Variants in EIF4G1 observed in about 807,000 individuals in gnomAD.
EIF4G1 encodes EIF4-gamma.
In EIF4G1, 4 loss-of-function variants were observed where a neutral mutation model predicts 187.8. That is an observed-to-expected ratio of 0.02 (90% CI 0.01 to 0.05). The LOEUF is 0.05. EIF4G1 is among the 10% of genes least tolerant of loss of function. The pLI is 1.00. For synonymous variants in EIF4G1, 844 were observed against 781.4 expected (o/e 1.08, Z -1.34); for missense variants, 1,647 against 2,081.1 (o/e 0.79, Z 4.06).
At chr3:184,328,829 A>G in intron 27 of EIF4G1, 73 bp downstream of exon 27, 1 of 1,614,046 alleles carries the variant, frequency 6.2e-7, no homozygotes, top group Non-Finnish European at 8.5e-7. Flanking sequence ...GCTGGGTTGG[A>G]TACCCTGGTT....
chr3:184,315,822 G>GCCCCCCCCCCCCC lies in EIF4G1; in HGVS notation c.32_33insCCCCCCCCCCCCC (p.Ala13ProfsTer46). ...ATGAACAAAGCTCCACAGTCCACAG[G>GCCCCCCCCCCCCC]CCCCCCACCCGCCCCATCCCCCGGA... On this transcript the variant is annotated frameshift_variant, in exon 3 of 33. Coordinates refer to ENST00000346169, the MANE Select transcript of EIF4G1 (RefSeq NM_198241.3). LOFTEE classifies it high-confidence loss of function. 1.9e-6 allele frequency: 3 copies of GCCCCCCCCCCCCC among 1,544,496 alleles called. No homozygotes were observed. Among genetic ancestry groups the GCCCCCCCCCCCCC allele is most frequent in the Non-Finnish European group, 2.6e-6 (3 of 1,140,802 alleles).
chr3:184,316,309 C>G (rs1322597994), intron 4 of EIF4G1, 91 bp downstream of exon 4: 1 of 1,494,186 alleles, frequency 6.7e-7, no homozygotes, highest in East Asian at 2.4e-5. Flanking sequence ...ACTGGAGGCC[C>G]CATACCTGGC....
At chr3:184,316,604 C>T in intron 4 of EIF4G1, 2 of 1,083,348 alleles carry the variant, frequency 1.8e-6, no homozygotes, top group East Asian at 2.4e-5. Flanking sequence ...TCCCCAGCTT[C>T]TTCCTTACTA....
intron 31 of EIF4G1, 28 bp from the exon 32 acceptor site, chr3:184,331,918 T>G: frequency 3.7e-6 from 6 of 1,613,890 alleles, no homozygotes; most frequent in Non-Finnish European, 5.1e-6. Context: ...AAGGGTATAT[T>G]GCTCCACTCA....
chr3:184,321,014 G>C, intron 9 of EIF4G1, 21 bp downstream of exon 9: 1 of 1,612,292 alleles, frequency 6.2e-7, no homozygotes, highest in South Asian at 1.1e-5. Context: ...CGGTGGGACG[G>C]AGCTTTTATG....
chr3:184,335,087 A>G lies in EIF4G1; in HGVS notation c.*179A>G, dbSNP rs1726871919. On this transcript the variant is annotated 3_prime_UTR_variant, in exon 33 of 33. Coordinates refer to ENST00000346169, the MANE Select transcript of EIF4G1 (RefSeq NM_198241.3). The stretch of plus-strand genomic sequence containing the variant: ...CTTGGGGCTGCCTGGGCCCCCCTCC[A>G]GGATGCCGCCAGGTGTCCCTCTCCT... 4.0e-6 allele frequency: 3 copies of G among 757,440 alleles called. No individual in the cohort carries two copies. The highest frequency in any genetic ancestry group is 3.8e-4 in the Middle Eastern group (1 of 2,634). The allele number at this position is 757,440 out of a possible 1,614,324, so 46.9% of individuals were successfully genotyped here. A position where few individuals can be genotyped will look rare whatever the true frequency, so the allele number is the denominator to read the frequency against.
At position 184,335,130 on chromosome 3, in the gene EIF4G1, A is replaced by C; in HGVS notation, c.*222A>C. ...CCTCTCCTCCCCCTGGGGCACAGAG[A>C]TATATTATATATAAAGTCTTGAAAT... On this transcript the variant is annotated 3_prime_UTR_variant, in exon 33 of 33. Coordinates refer to ENST00000346169, the MANE Select transcript of EIF4G1 (RefSeq NM_198241.3). The C allele has an allele frequency of 1.7e-6, 1 of 578,704 alleles. No homozygotes were observed. The highest frequency in any genetic ancestry group is 3.0e-5 in the Admixed American group (1 of 32,972). 35.8% of individuals were successfully genotyped at this position (578,704 alleles called of 1,614,324 possible).
rs13319149 is a variant in EIF4G1 at position 184,319,745 on chromosome 3, A to T, written c.481A>T (p.Thr161Ser). ...VQQFPTGVAP[T>S]PVLMNQPPQI... ...GCAGTTTCCCACTGGCGTGGCCCCC[A>T]CCCCAGTTTTGATGAACCAGCCACC... The change falls in exon 7 of 33, where the codon ACC becomes TCC. Residue 161 changes from threonine (T) to serine (S), a missense_variant. Physicochemically the swap from Thr to Ser is moderately conservative, Grantham distance 58 (BLOSUM62 1). This residue lies in a region of EIF4G1 where 139 missense variants were observed against 187.3 expected (regional missense o/e 0.74). Transcript: ENST00000346169. 3.7e-6 allele frequency: 6 copies of T among 1,608,264 alleles called. No individual in the cohort carries two copies. Among genetic ancestry groups the T allele is most frequent in the Admixed American group, 1.7e-5 (1 of 59,078 alleles).
intron 7 of EIF4G1, chr3:184,320,343 G>A: frequency 7.5e-7 from 1 of 1,341,700 alleles, no homozygotes; most frequent in Non-Finnish European, 9.6e-7. Flanking sequence ...CCCAGGGTGT[G>A]CAGCCACTGA....
intron 30 of EIF4G1, 41 bp downstream of exon 30, chr3:184,331,647 T>TAGGGTG: frequency 6.7e-7 from 1 of 1,486,102 alleles, no homozygotes; most frequent in Non-Finnish European, 9.0e-7. Flanking sequence ...AGGTAGTTCT[T>TAGGGTG]AGGGTGGGGG....
At chr3:184,320,751 G>A (rs1336621833) in intron 8 of EIF4G1, 29 bp downstream of exon 8, 1 of 1,613,998 alleles carries the variant, frequency 6.2e-7, no homozygotes, top group Non-Finnish European at 8.5e-7. Context: ...GTGATACCCT[G>A]GCTGGGATGT....
chr3:184,317,174 A>G, intron 4 of EIF4G1, 147 bp from the exon 5 acceptor site: 2 of 926,164 alleles, frequency 2.2e-6, no homozygotes, highest in Non-Finnish European at 3.5e-6. Flanking sequence ...CCGCTTAGCC[A>G]TTTGGTCAAG....
chr3:184,323,402 T>A lies in EIF4G1; in HGVS notation c.2089-6T>A. The stretch of plus-strand genomic sequence containing the variant: ...TCCCCTCTTGTCTTCATCCCTTGCT[T>A]AGCAGGCTGGCCTGGGACCCCGGCG... On this transcript the variant is annotated splice_polypyrimidine_tract_variant and splice_region_variant and intron_variant, in intron 14 of 32. Coordinates refer to ENST00000346169, the MANE Select transcript of EIF4G1 (RefSeq NM_198241.3). This position sits in a 1 kb window ranked among gnomAD's most constrained non-coding sequence, Gnocchi z 6.9. 3 of 1,614,156 alleles carry A rather than the reference T, an allele frequency of 1.9e-6. No individual in the cohort carries two copies. Among genetic ancestry groups the A allele is most frequent in the Non-Finnish European group, 2.5e-6 (3 of 1,180,030 alleles).
At position 184,319,952 on chromosome 3, in the gene EIF4G1, T is replaced by C; in HGVS notation, c.537+151T>C. On this transcript the variant is annotated intron_variant, in intron 7 of 32. Transcript: ENST00000346169. ...GTGTCTGTGGAGGGCTCAGGTTCTT[T>C]GTAAGATGCTAAGATTTCAGCATAG... 9 of 690,172 alleles carry C rather than the reference T, an allele frequency of 1.3e-5. No homozygotes were observed. In the South Asian group the frequency reaches 1.4e-4, roughly 10 times the overall value. The allele number at this position is 690,172 out of a possible 1,614,324, so 42.8% of individuals were successfully genotyped here.
chr3:184,328,380 A>G lies in EIF4G1; in HGVS notation c.3954-251A>G, dbSNP rs1251015749. 5.2e-6 allele frequency: 3 copies of G among 573,956 alleles called. No individual in the cohort carries two copies. In the Admixed American group the frequency reaches 8.9e-5, roughly 17 times the overall value. The allele number at this position is 573,956 out of a possible 1,614,324, so 35.6% of individuals were successfully genotyped here. On this transcript the variant is annotated intron_variant, in intron 26 of 32. Transcript: ENST00000346169. ...CACTCCAGCCTGGGTGACAAAAGCA[A>G]AACTGTCTCAAAAAAAAAACCAAAA...
chr3:184,321,149 G>T, intron 9 of EIF4G1, 133 bp from the exon 10 acceptor site: 1 of 1,488,266 alleles, frequency 6.7e-7, no homozygotes, highest in Non-Finnish European at 9.3e-7. Context: ...GGATGAAAGT[G>T]GAAGTATAGC....
In EIF4G1 at chr3:184,319,820, C is replaced by T. The variant is rs546635334; in HGVS notation, c.537+19C>T. On this transcript the variant is annotated intron_variant, in intron 7 of 32. Coordinates refer to ENST00000346169, the MANE Select transcript of EIF4G1 (RefSeq NM_198241.3). ...TAAGACGGTGAGTAGCAGTGAGGGGCTCCGGGACATCTGGGAAGGGGAGAA... is the reference window on the plus strand; with the variant it reads ...TAAGACGGTGAGTAGCAGTGAGGGGTTCCGGGACATCTGGGAAGGGGAGAA... 184 of 1,511,868 alleles carry T rather than the reference C, an allele frequency of 1.2e-4. 3 individuals are homozygous for T. In the South Asian group the frequency reaches 2.1e-3, roughly 17 times the overall value. The allele number at this position is 1,511,868 out of a possible 1,614,324, so 93.7% of individuals were successfully genotyped here.
In EIF4G1 at chr3:184,327,236, G is replaced by A. The variant is rs770684503; in HGVS notation, c.3449G>A (p.Arg1150Gln). 3 of 1,612,756 alleles carry A rather than the reference G, an allele frequency of 1.9e-6. No homozygotes were observed. Among genetic ancestry groups the A allele is most frequent in the South Asian group, 2.2e-5 (2 of 91,026 alleles). The part of the protein sequence containing the change: ...VVQRSSLSRE[R>Q]GEKAGDRGDR... ...TCCAGGAGTAGCTTGAGCCGAGAAC[G>A]AGGCGAGAAAGCTGGAGACCGAGGA... Residue 1150 changes from arginine to glutamine, a missense_variant, in exon 24 of 33, where the codon CGA becomes CAA. Transcript: ENST00000346169.
At chr3:184,316,347 C>T (rs1722776794) in intron 4 of EIF4G1, 129 bp downstream of exon 4, 4 of 1,226,162 alleles carry the variant, frequency 3.3e-6, no homozygotes, top group Non-Finnish European at 4.6e-6. Context: ...TTTCATGCGG[C>T]TCTGCGCCTT....
Sources: allele counts gnomAD v4.1 joint callset, GRCh38; gene constraint gnomAD v4.1.1; regional missense constraint gnomAD v4.1.1; non-coding constraint Gnocchi (gnomAD v3.1); transcripts MANE v1.5; gene names NCBI Gene and HGNC (gene_info 2026-07-23, HGNC 2026-07-21).